CCDC171: variants seen among roughly 807,000 people sequenced by gnomAD.
CCDC171 encodes the protein coiled-coil domain-containing protein 171.
A neutral mutation model predicts 168.2 loss-of-function variants in CCDC171; 177 were observed. The observed-to-expected ratio is 1.05, with a 90% confidence interval of 0.93 to 1.19. The LOEUF (loss-of-function observed/expected upper bound fraction) is 1.19. Ranked by LOEUF, CCDC171 falls within the 50% of genes most tolerant of loss-of-function variation. The probability of loss-of-function intolerance (pLI) is 0.00; values close to 1 mark genes in which losing one functional copy is unlikely to be tolerated. For synonymous variants in CCDC171, 687 were observed against 540.8 expected (o/e 1.27, Z -3.75); for missense variants, 1,991 against 1,539.0 (o/e 1.29, Z -4.91).
chr9:15,601,521 C>T (rs1039125695), intron 6 of CCDC171, among the ~76,000 whole-genome samples: 2 of 152,168 alleles, frequency 1.3e-5, no homozygotes, highest in African/African-American at 4.8e-5. Context: ...AGTTCATTTA[C>T]TCGTTCATTC....
chr9:15,655,282 A>G (rs915200263), intron 7 of CCDC171, among the ~76,000 whole-genome samples: 1 of 152,138 alleles, frequency 6.6e-6, no homozygotes, highest in Non-Finnish European at 1.5e-5. Flanking sequence ...CAAATTAGTA[A>G]TGCCTTTTTC....
In CCDC171 at chr9:15,610,378, G is replaced by A. The variant is rs189863081; in HGVS notation, c.676-12889G>A. On this transcript the variant is annotated intron_variant, in intron 6 of 25. Transcript: ENST00000380701. The stretch of plus-strand genomic sequence containing the variant: ...TCCCAGCACTTTGGGAGGCCAAGGC[G>A]GGTGGATCACCTGAGATCAGGAGTT... Among the ~76,000 whole-genome samples the A allele has an allele frequency of 3.5e-3, 500 of 144,818 alleles. 7 individuals are homozygous for A. The highest frequency in any genetic ancestry group is 0.012 in the African/African-American group (488 of 39,210).
At chr9:15,688,965 C>T (rs1471176789) in intron 10 of CCDC171, among the ~76,000 whole-genome samples, 1 of 152,078 alleles carries the variant, frequency 6.6e-6, no homozygotes, top group Non-Finnish European at 1.5e-5. Context: ...CTAAGGAATC[C>T]ACACATGCAG....
intron 1 of CCDC171, among the ~76,000 whole-genome samples, chr9:15,563,158 C>CA (rs1441927255): frequency 6.3e-5 from 9 of 143,196 alleles, no homozygotes; most frequent in Admixed American, 2.1e-4. Flanking sequence ...TTTTTTTTGA[C>CA]ACGGAGTTTC....
chr9:15,667,333 A>G (rs1339372469), intron 9 of CCDC171, among the ~76,000 whole-genome samples: 28 of 152,184 alleles, frequency 1.8e-4, no homozygotes. Flanking sequence ...TTATAGCCAC[A>G]ATATAAAGAT....
chr9:15,583,021 A>G (rs1192761730), intron 4 of CCDC171, among the ~76,000 whole-genome samples: 1 of 151,904 alleles, frequency 6.6e-6, no homozygotes, highest in African/African-American at 2.4e-5. Context: ...AAGTCATTAT[A>G]TGAAAAAGAC....
intron 6 of CCDC171, among the ~76,000 whole-genome samples, chr9:15,620,618 T>A (rs948749057): frequency 2.6e-5 from 4 of 152,234 alleles, no homozygotes; most frequent in Non-Finnish European, 5.9e-5. Context: ...CTGTGAACAT[T>A]ACTGAAATGA....
rs558732119 is a variant in CCDC171 at position 15,629,678 on chromosome 9, G to A, written c.822+6265G>A. The stretch of plus-strand genomic sequence containing the variant: ...TTCAGATTCAGGAAATACAGAGAAC[G>A]CCACAAAGATGCCCCTCAAGAAGAG... On this transcript the variant is annotated intron_variant, in intron 7 of 25. Transcript: ENST00000380701. Among the ~76,000 whole-genome samples the A allele has an allele frequency of 1.4e-4, 21 of 152,176 alleles. No individual in the cohort carries two copies. In the East Asian group the frequency reaches 3.5e-3, roughly 25 times the overall value.
At chr9:15,643,191 C>G (rs1335776693) in intron 7 of CCDC171, among the ~76,000 whole-genome samples, 1 of 151,986 alleles carries the variant, frequency 6.6e-6, no homozygotes, top group African/African-American at 2.4e-5. Flanking sequence ...TATTCTCAAT[C>G]CTATGGGCTA....
chr9:15,770,023 C>G (rs1204086906), intron 18 of CCDC171, among the ~76,000 whole-genome samples: 1 of 152,132 alleles, frequency 6.6e-6, no homozygotes, highest in African/African-American at 2.4e-5. Context: ...GACAAAAAAA[C>G]TTACCACACT....
At chr9:16,085,198 T>C in the CCDC171 span, among the ~76,000 whole-genome samples, 2 of 152,224 alleles carry the variant, frequency 1.3e-5, no homozygotes, top group South Asian at 4.1e-4. Flanking sequence ...CATCCATAAA[T>C]GATCTTGTCC....
intron 2 of CCDC171, among the ~76,000 whole-genome samples, chr9:15,567,027 CTTTTT>C (rs34470119): frequency 7.6e-6 from 1 of 132,302 alleles, no homozygotes; most frequent in African/African-American, 2.8e-5. Flanking sequence ...TCTACATGTC[CTTTTT>C]TTTTTTTTTT....
At chr9:15,913,172 T>G (rs1264085473) in intron 24 of CCDC171, among the ~76,000 whole-genome samples, 2 of 152,160 alleles carry the variant, frequency 1.3e-5, no homozygotes, top group Non-Finnish European at 2.9e-5. Context: ...GGTCCTGGGC[T>G]TTTTTGGTTG....
At chr9:15,840,255 A>AT (rs2060621424) in intron 21 of CCDC171, among the ~76,000 whole-genome samples, 1 of 152,066 alleles carries the variant, frequency 6.6e-6, no homozygotes, top group African/African-American at 2.4e-5. Context: ...AATTATTCAC[A>AT]TTTTTTCAAA....
At chr9:15,619,216 C>G (rs1216437701) in intron 6 of CCDC171, among the ~76,000 whole-genome samples, 2 of 152,130 alleles carry the variant, frequency 1.3e-5, no homozygotes, top group Non-Finnish European at 2.9e-5. Flanking sequence ...AGGCTCACAC[C>G]TGTTTCATTT....
rs756986953 is a variant in CCDC171, at chr9:15,571,645, T to A, written c.63T>A (p.Asp21Glu). 6.4e-7 allele frequency: 1 copy of A among 1,565,364 alleles called. No homozygotes were observed. The highest frequency in any genetic ancestry group is 8.6e-7 in the Non-Finnish European group (1 of 1,162,632). The change falls in exon 3 of 26, where the codon GAT becomes GAA. Residue 21 changes from aspartate (D) to glutamate (E), a missense_variant. Physicochemically the swap from Asp to Glu is conservative, Grantham distance 45. Coordinates refer to ENST00000380701, the MANE Select transcript of CCDC171 (RefSeq NM_173550.4). The stretch of plus-strand genomic sequence containing the variant: ...AAAGGTTGAAGATTGCCTCATTGGA[T>A]GTAAAACAAATACTTAAAAATGAAA... ...DTQRLKIASL[D>E]VKQILKNETE...
chr9:15,700,696 G>A (rs2051662162), intron 11 of CCDC171, among the ~76,000 whole-genome samples: 1 of 151,904 alleles, frequency 6.6e-6, no homozygotes, highest in South Asian at 2.1e-4. Context: ...ATGTTGCCCA[G>A]GCTAGTCTTA....
Position 15,635,555 on chromosome 9 carries a change from T to A in CCDC171, c.822+12142T>A, listed in dbSNP as rs180767925. Among the ~76,000 whole-genome samples the A allele has an allele frequency of 2.7e-3, 410 of 152,272 alleles. 15 individuals carry two copies. Among genetic ancestry groups the A allele is most frequent in the Admixed American group, 0.024 (363 of 15,282 alleles). ...TATTCTAGCCATGCTGGCAGCTGATTAGATGGTGCCCACCCAGACTGAGGG... is the reference window on the plus strand; with the variant it reads ...TATTCTAGCCATGCTGGCAGCTGATAAGATGGTGCCCACCCAGACTGAGGG... On this transcript the variant is annotated intron_variant, in intron 7 of 25. Coordinates refer to ENST00000380701, the MANE Select transcript of CCDC171 (RefSeq NM_173550.4).
At chr9:15,997,263 C>T (rs565100111) in intron 3 of CCDC171, among the ~76,000 whole-genome samples, 9 of 152,112 alleles carry the variant, frequency 5.9e-5, no homozygotes, top group Non-Finnish European at 8.8e-5. Context: ...GCAAAGACTG[C>T]GTCTTAGAGA....
Sources: allele counts gnomAD v4.1 joint callset (sites outside exome capture counted in the v4.1 genomes callset), GRCh38; gene constraint gnomAD v4.1.1; transcripts MANE v1.5; gene names NCBI Gene and HGNC (gene_info 2026-07-23, HGNC 2026-07-21).